Variants in PYGO1 observed in about 807,000 individuals in gnomAD.
PYGO1 encodes pygopus family PHD finger 1, also known as pygopus homolog 1.
Under a neutral mutation model 29.5 loss-of-function variants are expected in PYGO1, and 6 were observed. The observed-to-expected ratio is 0.20, with a 90% confidence interval of 0.11 to 0.40. The LOEUF (loss-of-function observed/expected upper bound fraction) is 0.40, where lower values mean the gene tolerates loss of function less well. Ranked by LOEUF, PYGO1 falls within the 10% of genes least tolerant of loss-of-function variation. The pLI is 1.00. For synonymous variants in PYGO1, 186 were observed against 180.5 expected (o/e 1.03, Z -0.24); for missense variants, 515 against 514.9 (o/e 1.00, Z 0.00).
In PYGO1 at chr15:55,587,887, A is replaced by T. The variant is rs1339891496; in HGVS notation, c.-4T>A. ...CCTTCTCCTGTTCTGCTGACATTAC[A>T]GACCGCAAAGCATGACTCCCCCCCA... On this transcript the variant is annotated 5_prime_UTR_variant, in exon 1 of 3. Transcript: ENST00000563719. 3.4e-6 allele frequency: 5 copies of T among 1,481,154 alleles called. No homozygotes were observed. The highest frequency in any genetic ancestry group is 4.5e-6 in the Non-Finnish European group (5 of 1,116,832). The allele number at this position is 1,481,154 out of a possible 1,614,324, so 91.8% of individuals were successfully genotyped here.
chr15:55,564,860 C>CTGAGGGAA (rs1169015578), intron 1 of PYGO1, among the ~76,000 whole-genome samples: 4 of 152,164 alleles, frequency 2.6e-5, no homozygotes, highest in African/African-American at 9.7e-5. Context: ...TCTTGAGGCT[C>CTGAGGGAA]TGAGGGAAAT....
chr15:55,562,904 A>C (rs1443298023), intron 1 of PYGO1, among the ~76,000 whole-genome samples: 1 of 151,996 alleles, frequency 6.6e-6, no homozygotes, highest in Non-Finnish European at 1.5e-5. Context: ...CCAAAAACAA[A>C]ACACCACATG....
chr15:55,581,651 A>G (rs1212164221), intron 1 of PYGO1, among the ~76,000 whole-genome samples: 2 of 152,186 alleles, frequency 1.3e-5, no homozygotes, highest in African/African-American at 4.8e-5. Flanking sequence ...CTCTCTGAAC[A>G]TCAATTCCTC....
At chr15:55,555,186 A>G (rs932004634) in intron 1 of PYGO1, among the ~76,000 whole-genome samples, 1 of 152,184 alleles carries the variant, frequency 6.6e-6, no homozygotes, top group East Asian at 1.9e-4. Flanking sequence ...ACATGCCACA[A>G]GGGATTGAGG....
intron 1 of PYGO1, among the ~76,000 whole-genome samples, chr15:55,557,097 A>G (rs1037705705): frequency 1.3e-5 from 2 of 151,886 alleles, no homozygotes; most frequent in Non-Finnish European, 2.9e-5. Flanking sequence ...GAAAAGGAGG[A>G]CGACTAATAA....
intron 1 of PYGO1, among the ~76,000 whole-genome samples, chr15:55,582,506 C>G (rs1022924512): frequency 1.3e-5 from 2 of 152,148 alleles, no homozygotes; most frequent in East Asian, 1.9e-4. Context: ...CTTTTTCCCC[C>G]CTTGTCTCCC....
chr15:55,587,972 G>T lies in PYGO1; in HGVS notation c.-89C>A. 1 of 1,420,128 alleles carries T rather than the reference G, an allele frequency of 7.0e-7. No homozygotes were observed. The highest frequency in any genetic ancestry group is 1.4e-5 in the South Asian group (1 of 71,874). 88.0% of individuals were successfully genotyped at this position (1,420,128 alleles called of 1,614,324 possible). A position where few individuals can be genotyped will look rare whatever the true frequency, so the allele number is the denominator to read the frequency against. ...GGCGGCTCCTCCTCCTCGCGGGGCC[G>T]CTGCGGCTGCGAGGCAAGCCTCGGA... On this transcript the variant is annotated 5_prime_UTR_variant, in exon 1 of 3. Coordinates refer to ENST00000563719, the MANE Select transcript of PYGO1 (RefSeq NM_001367806.1).
At chr15:55,588,941 C>A, upstream of PYGO1, 2 of 1,201,274 alleles carry the variant, frequency 1.7e-6, no homozygotes, top group Admixed American at 1.8e-5. Context: ...ATTTTAACGA[C>A]TTGACTCTTC....
At chr15:55,548,707 TAA>T (rs60796044) in intron 2 of PYGO1, among the ~76,000 whole-genome samples, 14 of 55,438 alleles carry the variant, frequency 2.5e-4, no homozygotes, top group East Asian at 8.8e-4. Context: ...AGAATCCACC[TAA>T]AAAAAAAAAA....
intron 1 of PYGO1, among the ~76,000 whole-genome samples, chr15:55,580,655 T>C (rs1029266505): frequency 2.0e-5 from 3 of 152,174 alleles, no homozygotes; most frequent in African/African-American, 7.2e-5. Context: ...ATGGCAGAGC[T>C]GGGATAAAAA....
At position 55,545,841 on chromosome 15, in the gene PYGO1, C is replaced by T. The variant is rs1049814141; in HGVS notation, c.*182G>A. 3 of 596,654 alleles carry T rather than the reference C, an allele frequency of 5.0e-6. No individual in the cohort carries two copies. The highest frequency in any genetic ancestry group is 8.4e-6 in the Non-Finnish European group (3 of 358,780). The allele number at this position is 596,654 out of a possible 1,614,324, so 37.0% of individuals were successfully genotyped here. On this transcript the variant is annotated 3_prime_UTR_variant, in exon 3 of 3. Transcript: ENST00000563719. ...AAAGCACCCCCATATACATTATTCT[C>T]ATTTAAGACAGCAAGCAAAGACAAT...
At chr15:55,556,498 G>C (rs922876977) in intron 1 of PYGO1, among the ~76,000 whole-genome samples, 1 of 152,168 alleles carries the variant, frequency 6.6e-6, no homozygotes, top group African/African-American at 2.4e-5. Flanking sequence ...AGCTAATGCA[G>C]TGTTAAGAGG....
intron 1 of PYGO1, among the ~76,000 whole-genome samples, chr15:55,571,083 T>C (rs2058978187): frequency 2.0e-5 from 3 of 151,862 alleles, no homozygotes; most frequent in African/African-American, 7.3e-5. Flanking sequence ...ATTTGACTAC[T>C]CTAGATATTT....
At chr15:55,582,305 A>G (rs1022527188) in intron 1 of PYGO1, among the ~76,000 whole-genome samples, 2 of 152,010 alleles carry the variant, frequency 1.3e-5, no homozygotes, top group Non-Finnish European at 2.9e-5. Flanking sequence ...ATGTTCCCCA[A>G]GAGAGGGAAT....
chr15:55,558,749 A>C (rs903658459), intron 1 of PYGO1, among the ~76,000 whole-genome samples: 7 of 152,070 alleles, frequency 4.6e-5, no homozygotes, highest in African/African-American at 1.2e-4. Context: ...TTCCCTATTT[A>C]ATAAATGGTG....
chr15:55,558,852 T>A (rs1393237069), intron 1 of PYGO1, among the ~76,000 whole-genome samples: 1 of 151,934 alleles, frequency 6.6e-6, no homozygotes, highest in Admixed American at 6.6e-5. Flanking sequence ...ATTAAAGACT[T>A]AAATATTAGA....
intron 1 of PYGO1, among the ~76,000 whole-genome samples, chr15:55,551,971 A>C (rs2058880746): frequency 6.6e-6 from 1 of 152,190 alleles, no homozygotes; most frequent in African/African-American, 2.4e-5. Flanking sequence ...TATTAATAGA[A>C]TAAAGAGAAA....
At chr15:55,585,225 A>C (rs1267938269) in intron 1 of PYGO1, among the ~76,000 whole-genome samples, 1 of 152,228 alleles carries the variant, frequency 6.6e-6, no homozygotes, top group East Asian at 1.9e-4. Flanking sequence ...ACACATATGT[A>C]TCTTAGCCTT....
intron 1 of PYGO1, among the ~76,000 whole-genome samples, chr15:55,557,941 G>C (rs1347702310): frequency 1.3e-5 from 2 of 152,196 alleles, no homozygotes; most frequent in Non-Finnish European, 2.9e-5. Flanking sequence ...ACAAGACAGG[G>C]ATGCCCTCTC....
Sources: allele counts gnomAD v4.1 joint callset (sites outside exome capture counted in the v4.1 genomes callset), GRCh38; gene constraint gnomAD v4.1.1; transcripts MANE v1.5; gene names NCBI Gene and HGNC (gene_info 2026-07-23, HGNC 2026-07-21).